The following SHISA9 variants were observed in gnomAD, a reference collection of about 807,000 sequenced individuals.
SHISA9 encodes protein shisa-9.
Under a neutral mutation model 38.0 loss-of-function variants are expected in SHISA9, and 13 were observed. The observed-to-expected ratio is 0.34, with a 90% CI of 0.22 to 0.54. The LOEUF (loss-of-function observed/expected upper bound fraction) is 0.54. Ranked by LOEUF, SHISA9 falls within the 20% of genes least tolerant of loss-of-function variation. The pLI is 0.91. For missense variants in SHISA9, 538 were observed against 575.8 expected (o/e 0.93, Z 0.67); for synonymous variants, 275 against 242.0 (o/e 1.14, Z -1.27).
chr16:13,071,745 C>G (rs1049203371), intron 2 of SHISA9, among the ~76,000 whole-genome samples: 1 of 152,024 alleles, frequency 6.6e-6, no homozygotes, highest in African/African-American at 2.4e-5. Flanking sequence ...TTAAGCCATC[C>G]TCCCATTTCA....
At chr16:13,528,792 G>A in the SHISA9 span, among the ~76,000 whole-genome samples, 37 of 152,102 alleles carry the variant, frequency 2.4e-4, no homozygotes, top group Admixed American at 1.7e-3. Context: ...ATGTGCCTAC[G>A]TAGTGTCTAG....
At chr16:13,369,634 GC>G in the SHISA9 span, among the ~76,000 whole-genome samples, 1 of 151,760 alleles carries the variant, frequency 6.6e-6, no homozygotes, top group East Asian at 1.9e-4. Context: ...CACTGATGGG[GC>G]TCTCCGTCTT....
intron 1 of SHISA9, among the ~76,000 whole-genome samples, chr16:12,914,017 G>A (rs541463313): frequency 2.0e-5 from 3 of 147,120 alleles, no homozygotes; most frequent in East Asian, 2.0e-4. Context: ...TGCAGCCCTC[G>A]TTTATTTATT....
the SHISA9 span, among the ~76,000 whole-genome samples, chr16:13,274,104 C>T: frequency 5.9e-5 from 9 of 152,090 alleles, no homozygotes; most frequent in Admixed American, 3.3e-4. Context: ...ATAACACATG[C>T]CATTGGCTTG....
chr16:13,554,297 TA>T, the SHISA9 span, among the ~76,000 whole-genome samples: 1,929 of 133,432 alleles, frequency 0.014, 40 homozygotes, highest in African/African-American at 0.045. Flanking sequence ...TGCTAGAGAT[TA>T]AAAAAAAAAA....
At chr16:13,323,818 C>T in the SHISA9 span, among the ~76,000 whole-genome samples, 3 of 152,162 alleles carry the variant, frequency 2.0e-5, no homozygotes, top group African/African-American at 7.2e-5. Context: ...AGTCACCTCC[C>T]ACCAGGTCTC....
intron 2 of SHISA9, among the ~76,000 whole-genome samples, chr16:13,074,888 T>C (rs1415462273): frequency 2.0e-5 from 3 of 152,070 alleles, no homozygotes; most frequent in African/African-American, 4.8e-5. Flanking sequence ...GGTCTCAAAC[T>C]CCTGACCTCA....
chr16:13,259,885 C>T, the SHISA9 span, among the ~76,000 whole-genome samples: 1 of 152,146 alleles, frequency 6.6e-6, no homozygotes, highest in South Asian at 2.1e-4. Flanking sequence ...AGGTCTCTGA[C>T]ATGGCTGGAG....
At chr16:13,302,343 G>A in the SHISA9 span, among the ~76,000 whole-genome samples, 1 of 152,238 alleles carries the variant, frequency 6.6e-6, no homozygotes, top group Non-Finnish European at 1.5e-5. Context: ...GAACCTCAAA[G>A]CCTCCCCTAT....
the SHISA9 span, among the ~76,000 whole-genome samples, chr16:13,388,404 C>T: frequency 3.3e-5 from 5 of 151,768 alleles, no homozygotes. Flanking sequence ...CTCCACCTCC[C>T]AAGTTCAAGC....
chr16:13,091,580 C>T (rs963595263), intron 2 of SHISA9, among the ~76,000 whole-genome samples: 2 of 152,196 alleles, frequency 1.3e-5, no homozygotes, highest in African/African-American at 4.8e-5. Flanking sequence ...CTTTCTTCCA[C>T]TTGATCGAAT....
chr16:13,553,151 C>A, the SHISA9 span, among the ~76,000 whole-genome samples: 1 of 152,172 alleles, frequency 6.6e-6, no homozygotes, highest in Non-Finnish European at 1.5e-5. Flanking sequence ...TTTCTGAACA[C>A]CTGCTATGTG....
the SHISA9 span, among the ~76,000 whole-genome samples, chr16:13,457,200 GGAGGCT>G: frequency 6.6e-6 from 1 of 152,238 alleles, no homozygotes; most frequent in Non-Finnish European, 1.5e-5. Flanking sequence ...CAGCTACTCA[GGAGGCT>G]GAGGCAGGAA....
At chr16:13,378,317 G>A in the SHISA9 span, among the ~76,000 whole-genome samples, 2 of 152,140 alleles carry the variant, frequency 1.3e-5, no homozygotes, top group Non-Finnish European at 2.9e-5. Flanking sequence ...CTGTTTTACT[G>A]TGTGTTGGTT....
At chr16:13,231,172 A>G (rs11862050) in intron 4 of SHISA9, among the ~76,000 whole-genome samples, 29,215 of 152,106 alleles carry the variant, frequency 0.19, 3,086 homozygotes, top group Admixed American at 0.32. Context: ...GAAGAGGAGC[A>G]TGAAGTCAAC....
At chr16:12,925,479 A>T in intron 2 of SHISA9, among the ~76,000 whole-genome samples, 1 of 103,862 alleles carries the variant, frequency 9.6e-6, no homozygotes, top group East Asian at 2.2e-4. Context: ...GTGTGCAAGC[A>T]ACAGAGAAAG....
chr16:12,931,325 T>C (rs1439034349), intron 2 of SHISA9, among the ~76,000 whole-genome samples: 1 of 152,166 alleles, frequency 6.6e-6, no homozygotes, highest in African/African-American at 2.4e-5. Context: ...TGCACAGGTT[T>C]GTTACATGGG....
chr16:13,215,036 C>T (rs1391825485), intron 4 of SHISA9, among the ~76,000 whole-genome samples: 3 of 152,098 alleles, frequency 2.0e-5, no homozygotes, highest in African/African-American at 4.8e-5. Context: ...TGCAGACACC[C>T]ACTGGAAGGC....
At chr16:12,923,832 C>G (rs559514363) in intron 2 of SHISA9, among the ~76,000 whole-genome samples, 49 of 151,114 alleles carry the variant, frequency 3.2e-4, no homozygotes, top group Middle Eastern at 3.4e-3. Flanking sequence ...CAGAGCAAGA[C>G]TCCATCTCCA....
Sources: allele counts gnomAD v4.1 joint callset (sites outside exome capture counted in the v4.1 genomes callset), GRCh38; gene constraint gnomAD v4.1.1; transcripts MANE v1.5; gene names NCBI Gene and HGNC (gene_info 2026-07-23, HGNC 2026-07-21).